FAR1: variants seen among roughly 807,000 people sequenced by gnomAD.
FAR1 encodes the protein fatty acyl-CoA reductase 1.
Under a neutral mutation model 61.1 loss-of-function variants are expected in FAR1, and 22 were observed. The observed-to-expected ratio is 0.36, with a 90% CI of 0.26 to 0.51. The LOEUF is 0.51. FAR1 is among the 20% of genes least tolerant of loss of function. The pLI is 0.95. For missense variants in FAR1, 359 were observed against 626.9 expected, an observed-to-expected ratio of 0.57 and a Z score of 4.56; for synonymous variants, 206 against 209.7, an observed-to-expected ratio of 0.98 and a Z score of 0.15.
At chr11:13,681,067 G>T (rs1848121600) in intron 1 of FAR1, among the ~76,000 whole-genome samples, 1 of 152,174 alleles carries the variant, frequency 6.6e-6, no homozygotes, top group African/African-American at 2.4e-5. Flanking sequence ...GCAGAACTTT[G>T]CTCCTTAGTT....
chr11:13,702,132 T>C (rs1177405995), intron 3 of FAR1, among the ~76,000 whole-genome samples: 2 of 152,174 alleles, frequency 1.3e-5, no homozygotes. Flanking sequence ...GGTAAAATAT[T>C]GTGCAGCCAT....
intron 1 of FAR1, among the ~76,000 whole-genome samples, chr11:13,671,338 GA>G (rs1848001613): frequency 1.3e-5 from 2 of 152,290 alleles, no homozygotes; most frequent in Non-Finnish European, 1.5e-5. Flanking sequence ...TTTTAAGGAT[GA>G]TTGAAGATTC....
At chr11:13,727,109 ATGT>A (rs1848675089) in intron 10 of FAR1, among the ~76,000 whole-genome samples, 1 of 151,958 alleles carries the variant, frequency 6.6e-6, no homozygotes, top group Non-Finnish European at 1.5e-5. Context: ...GATGTCAGAG[ATGT>A]TGTTTTCATA....
At chr11:13,675,815 A>AT (rs1318753118) in intron 1 of FAR1, among the ~76,000 whole-genome samples, 3 of 152,274 alleles carry the variant, frequency 2.0e-5, no homozygotes, top group East Asian at 1.9e-4. Flanking sequence ...CTTACATGAA[A>AT]TTTTTTCCAG....
rs181831839 is a variant in FAR1 at position 13,732,224 on chromosome 11, C to T, written c.*3450C>T. The T allele has an allele frequency of 1.2e-4, 18 of 152,096 alleles. No individual in the cohort carries two copies. Among genetic ancestry groups the T allele is most frequent in the Non-Finnish European group, 1.6e-4 (11 of 67,980 alleles). The allele number at this position is 152,096 out of a possible 1,614,324, so 9.4% of individuals were successfully genotyped here. ...ATTTGTCTTTTTTCCTGGTGGTACCCTCTTAGCATATATCTTTGCTATCCT... is the reference window on the plus strand; with the variant it reads ...ATTTGTCTTTTTTCCTGGTGGTACCTTCTTAGCATATATCTTTGCTATCCT... On this transcript the variant is annotated 3_prime_UTR_variant, in exon 12 of 12. Coordinates refer to ENST00000354817, the MANE Select transcript of FAR1 (RefSeq NM_032228.6).
intron 3 of FAR1, among the ~76,000 whole-genome samples, chr11:13,702,586 A>G (rs1250233824): frequency 6.6e-6 from 1 of 152,184 alleles, no homozygotes; most frequent in Admixed American, 6.5e-5. Context: ...CCTAAAATTC[A>G]TTAGTGTGAA....
intron 5 of FAR1, 32 bp from the exon 6 acceptor site, chr11:13,711,732 G>T: frequency 6.7e-7 from 1 of 1,500,742 alleles, no homozygotes; most frequent in South Asian, 1.2e-5. Flanking sequence ...ATGTTTCTAA[G>T]CTTCTCTCCC....
intron 9 of FAR1, among the ~76,000 whole-genome samples, chr11:13,719,640 G>A (rs1165699028): frequency 6.6e-6 from 1 of 152,070 alleles, no homozygotes; most frequent in African/African-American, 2.4e-5. Flanking sequence ...TCTAAACCAG[G>A]TATCTATTTT....
chr11:13,679,751 C>A (rs1324544417), intron 1 of FAR1, among the ~76,000 whole-genome samples: 1 of 152,150 alleles, frequency 6.6e-6, no homozygotes, highest in Non-Finnish European at 1.5e-5. Context: ...ATTTTTACAT[C>A]ACTCAGAGGA....
Position 13,721,584 on chromosome 11 carries a change from C to T in FAR1, c.1128-146C>T, listed in dbSNP as rs1002398898. 3.3e-6 allele frequency: 2 copies of T among 600,018 alleles called. No individual in the cohort carries two copies. Among genetic ancestry groups the T allele is most frequent in the Non-Finnish European group, 5.5e-6 (2 of 362,762 alleles). The allele number at this position is 600,018 out of a possible 1,614,324, so 37.2% of individuals were successfully genotyped here. On this transcript the variant is annotated intron_variant, in intron 9 of 11. Coordinates refer to ENST00000354817, the MANE Select transcript of FAR1 (RefSeq NM_032228.6). The surrounding 1 kb of genome is among the most constrained non-coding windows in gnomAD (Gnocchi z 4.2). ...CAAGATGCAGAAATAGTCTTATTCC[C>T]TGCTGATTTGGTACACTTAATGATT...
intron 1 of FAR1, among the ~76,000 whole-genome samples, chr11:13,685,844 G>A (rs962691490): frequency 1.1e-4 from 16 of 152,170 alleles, no homozygotes; most frequent in African/African-American, 3.9e-4. Flanking sequence ...TTTCTGTGGA[G>A]CAGATTTTTG....
intron 10 of FAR1, among the ~76,000 whole-genome samples, chr11:13,723,612 A>G (rs1213616964): frequency 6.6e-6 from 1 of 152,172 alleles, no homozygotes; most frequent in African/African-American, 2.4e-5. Context: ...TAAGCAATTC[A>G]GAGAAATACT....
intron 1 of FAR1, among the ~76,000 whole-genome samples, chr11:13,673,235 A>C (rs1409288567): frequency 6.6e-6 from 1 of 152,228 alleles, no homozygotes; most frequent in Non-Finnish European, 1.5e-5. Flanking sequence ...GAGAGGAAAG[A>C]GTTGCGTAAA....
intron 3 of FAR1, among the ~76,000 whole-genome samples, chr11:13,703,892 A>G (rs1322333477): frequency 6.6e-6 from 1 of 151,846 alleles, no homozygotes; most frequent in Non-Finnish European, 1.5e-5. Flanking sequence ...AATAATACAA[A>G]AATGAGCCGG....
At chr11:13,674,181 C>T (rs1848040316) in intron 1 of FAR1, among the ~76,000 whole-genome samples, 1 of 151,762 alleles carries the variant, frequency 6.6e-6, no homozygotes, top group African/African-American at 2.4e-5. Context: ...TGGTGGCGCC[C>T]ACCTGTAGTC....
At chr11:13,723,989 T>C (rs552997797) in intron 10 of FAR1, among the ~76,000 whole-genome samples, 33 of 152,252 alleles carry the variant, frequency 2.2e-4, no homozygotes, top group Non-Finnish European at 4.3e-4. Context: ...CAGCATCTGA[T>C]TCTGCCATCT....
chr11:13,693,753 T>A (rs746895692), intron 1 of FAR1, among the ~76,000 whole-genome samples: 2 of 152,198 alleles, frequency 1.3e-5, no homozygotes. Context: ...TTCTACCAAT[T>A]CAGTCTTATC....
At chr11:13,684,527 A>G (rs1848165252) in intron 1 of FAR1, among the ~76,000 whole-genome samples, 1 of 152,220 alleles carries the variant, frequency 6.6e-6, no homozygotes, top group Non-Finnish European at 1.5e-5. Context: ...TTAAAGATAA[A>G]GAAACTGCAG....
intron 1 of FAR1, among the ~76,000 whole-genome samples, chr11:13,685,157 A>T (rs1310546219): frequency 1.3e-5 from 2 of 152,102 alleles, no homozygotes; most frequent in African/African-American, 4.8e-5. Flanking sequence ...CACCTAGAAG[A>T]TGGTCTTCTG....
Sources: gnomAD v4.1 joint callset for allele counts (sites outside exome capture counted in the v4.1 genomes callset) on GRCh38, gnomAD v4.1.1 for gene constraint, Gnocchi (gnomAD v3.1) non-coding constraint, MANE v1.5 for transcripts, NCBI Gene and HGNC (gene_info 2026-07-23, HGNC 2026-07-21) for gene names.